ASTN2: variants seen among roughly 807,000 people sequenced by gnomAD.
The protein encoded by ASTN2 is astrotactin 2.
Under a neutral mutation model 139.8 loss-of-function variants are expected in ASTN2, and 54 were observed. That is an observed-to-expected ratio of 0.39 (90% CI 0.31 to 0.48). The LOEUF (loss-of-function observed/expected upper bound fraction) is 0.48, where lower values mean the gene tolerates loss of function less well. Ranked by LOEUF, ASTN2 falls within the 20% of genes least tolerant of loss-of-function variation. The pLI is 0.95. For missense variants in ASTN2, 1,565 were observed against 1,725.1 expected (o/e 0.91, Z 1.64); for synonymous variants, 756 against 719.5 (o/e 1.05, Z -0.81).
intron 7 of ASTN2, among the ~76,000 whole-genome samples, chr9:117,000,753 C>T (rs891497835): frequency 3.9e-5 from 6 of 152,180 alleles, no homozygotes; most frequent in African/African-American, 1.2e-4. Context: ...TTGTTCTCAT[C>T]TCATCCAGTG....
At chr9:117,322,369 A>G (rs1045996561) in intron 1 of ASTN2, among the ~76,000 whole-genome samples, 8 of 152,180 alleles carry the variant, frequency 5.3e-5, no homozygotes, top group Non-Finnish European at 1.5e-5. Flanking sequence ...CTTAATGATC[A>G]CCTGCCATGT....
At chr9:116,517,733 T>C (rs1850709856) in intron 19 of ASTN2, among the ~76,000 whole-genome samples, 1 of 152,028 alleles carries the variant, frequency 6.6e-6, no homozygotes, top group Non-Finnish European at 1.5e-5. Context: ...AAAGGTGAAG[T>C]CCAACTTGAA....
chr9:117,230,809 C>T (rs182955444), intron 2 of ASTN2, among the ~76,000 whole-genome samples: 2 of 152,238 alleles, frequency 1.3e-5, no homozygotes, highest in Admixed American at 1.3e-4. Flanking sequence ...GCATCATCAG[C>T]AATGACGAAA....
chr9:116,822,215 C>G (rs1831506002), intron 11 of ASTN2, among the ~76,000 whole-genome samples: 1 of 151,984 alleles, frequency 6.6e-6, no homozygotes, highest in South Asian at 2.1e-4. Flanking sequence ...GGTCAGCCCT[C>G]TTGGAAATTA....
intron 13 of ASTN2, among the ~76,000 whole-genome samples, chr9:116,778,257 T>G (rs1830133787): frequency 6.6e-6 from 1 of 152,058 alleles, no homozygotes; most frequent in African/African-American, 2.4e-5. Flanking sequence ...GCACTACAGT[T>G]CAAGAACTGA....
intron 5 of ASTN2, among the ~76,000 whole-genome samples, chr9:117,083,712 G>A (rs1197893016): frequency 6.6e-6 from 1 of 152,122 alleles, no homozygotes; most frequent in African/African-American, 2.4e-5. Context: ...AAACAAGAAA[G>A]CAAGAGAGAC....
chr9:117,396,341 C>G (rs1444972585), intron 1 of ASTN2, among the ~76,000 whole-genome samples: 1 of 152,148 alleles, frequency 6.6e-6, no homozygotes, highest in Non-Finnish European at 1.5e-5. Context: ...CATTTCGGGC[C>G]TCCCCAGCTA....
At chr9:117,085,297 C>T (rs1176202911) in intron 5 of ASTN2, among the ~76,000 whole-genome samples, 1 of 152,194 alleles carries the variant, frequency 6.6e-6, no homozygotes, top group Non-Finnish European at 1.5e-5. Context: ...ACTGACAGTT[C>T]TCCCCAGTGG....
chr9:117,230,727 A>T (rs1023541088), intron 2 of ASTN2, among the ~76,000 whole-genome samples: 5 of 152,044 alleles, frequency 3.3e-5, no homozygotes, highest in African/African-American at 1.2e-4. Flanking sequence ...TGAAAATAAG[A>T]CCTCTTTTCT....
chr9:116,625,627 C>T (rs1856411248), intron 17 of ASTN2, among the ~76,000 whole-genome samples: 1 of 152,136 alleles, frequency 6.6e-6, no homozygotes, highest in South Asian at 2.1e-4. Context: ...CTGGTTAAAG[C>T]CTCCACTGAT....
chr9:116,788,200 G>A (rs1830430158), intron 13 of ASTN2, among the ~76,000 whole-genome samples: 1 of 152,128 alleles, frequency 6.6e-6, no homozygotes, highest in African/African-American at 2.4e-5. Context: ...GAAGAATAGG[G>A]AGAGATTGGT....
At chr9:116,825,299 A>G (rs1381992746) in intron 11 of ASTN2, among the ~76,000 whole-genome samples, 3 of 152,226 alleles carry the variant, frequency 2.0e-5, no homozygotes, top group Non-Finnish European at 1.5e-5. Context: ...TCTTGGAGGC[A>G]CTTCTGAAGA....
chr9:116,464,173 T>C (rs941641832), intron 20 of ASTN2, among the ~76,000 whole-genome samples: 1 of 152,116 alleles, frequency 6.6e-6, no homozygotes, highest in South Asian at 2.1e-4. Context: ...ACAAATGTCA[T>C]AATGTATAGC....
intron 10 of ASTN2, among the ~76,000 whole-genome samples, chr9:116,896,437 C>G (rs1313436807): frequency 2.6e-5 from 4 of 152,102 alleles, no homozygotes; most frequent in Non-Finnish European, 4.4e-5. Context: ...TCAAGCAATC[C>G]TCCTGCCTCA....
At chr9:116,888,555 C>T (rs969985688) in intron 10 of ASTN2, among the ~76,000 whole-genome samples, 2 of 152,056 alleles carry the variant, frequency 1.3e-5, no homozygotes, top group Admixed American at 6.6e-5. Context: ...CAGAGTCTTG[C>T]TCTGTCACCC....
chr9:116,621,440 C>T lies in ASTN2; in HGVS notation c.3073-997G>A, dbSNP rs1027582592. 2.4e-4 allele frequency among the ~76,000 whole-genome samples: 29 copies of T among 118,862 alleles called. No individual in the cohort carries two copies. In the East Asian group the frequency reaches 3.8e-3, roughly 15 times the overall value. 78.0% of individuals were successfully genotyped at this position (118,862 alleles called of 152,430 possible). ...ACACACACACACACACACACATGCA[C>T]GCACACACACACACACACACACACA... On this transcript the variant is annotated intron_variant, in intron 17 of 22. Coordinates refer to ENST00000313400, the MANE Select transcript of ASTN2 (RefSeq NM_001365068.1).
At chr9:116,695,107 T>C (rs1446182179) in intron 16 of ASTN2, among the ~76,000 whole-genome samples, 1 of 152,180 alleles carries the variant, frequency 6.6e-6, no homozygotes, top group East Asian at 1.9e-4. Context: ...TAATCATTGT[T>C]ATGTGACAGT....
At chr9:117,312,024 A>C (rs563954826) in intron 1 of ASTN2, among the ~76,000 whole-genome samples, 1 of 152,306 alleles carries the variant, frequency 6.6e-6, no homozygotes, top group East Asian at 1.9e-4. Flanking sequence ...AAAAGGCCTT[A>C]GTCAAGTTAC....
chr9:116,887,709 C>G (rs1833651389), intron 10 of ASTN2, among the ~76,000 whole-genome samples: 1 of 141,638 alleles, frequency 7.1e-6, no homozygotes, highest in African/African-American at 2.9e-5. Context: ...ACTCTGCCAC[C>G]CAGGGTGGAG....
Sources: gnomAD v4.1 joint callset for allele counts (sites outside exome capture counted in the v4.1 genomes callset) on GRCh38, gnomAD v4.1.1 for gene constraint, MANE v1.5 for transcripts, NCBI Gene and HGNC (gene_info 2026-07-23, HGNC 2026-07-21) for gene names.